The following OSBPL1A variants were observed in gnomAD, a reference collection of about 807,000 sequenced individuals.
OSBPL1A encodes oxysterol binding protein like 1A, also known as oxysterol-binding protein-related protein 1.
Under a neutral mutation model 137.1 loss-of-function variants are expected in OSBPL1A, and 80 were observed. That is an observed-to-expected ratio of 0.58 (90% CI 0.49 to 0.70). The LOEUF is 0.70. Among genes scored for constraint, OSBPL1A ranks in the 30% least tolerant of loss-of-function variants. The probability of loss-of-function intolerance (pLI) is 0.00; values close to 1 mark genes in which losing one functional copy is unlikely to be tolerated. For missense variants in OSBPL1A, 970 were observed against 1,129.4 expected (o/e 0.86, Z 2.02); for synonymous variants, 365 against 389.7 (o/e 0.94, Z 0.75).
intron 15 of OSBPL1A, among the ~76,000 whole-genome samples, chr18:24,275,700 C>T (rs1282017675): frequency 6.6e-6 from 1 of 151,672 alleles, no homozygotes; most frequent in Non-Finnish European, 1.5e-5. Context: ...TGAATCTTTC[C>T]ATTATACCAC....
intron 1 of OSBPL1A, among the ~76,000 whole-genome samples, chr18:24,383,458 A>G (rs1906748393): frequency 6.6e-6 from 1 of 152,262 alleles, no homozygotes; most frequent in African/African-American, 2.4e-5. Flanking sequence ...TATGAAAAGG[A>G]TAAAAATAAA....
chr18:24,291,679 A>C (rs1401299217), intron 14 of OSBPL1A, among the ~76,000 whole-genome samples: 1 of 152,158 alleles, frequency 6.6e-6, no homozygotes, highest in African/African-American at 2.4e-5. Flanking sequence ...TAGAACAACA[A>C]AATCCAAACC....
At chr18:24,300,817 G>GTCTCTC (rs146806503) in intron 14 of OSBPL1A, among the ~76,000 whole-genome samples, 1 of 150,170 alleles carries the variant, frequency 6.7e-6, no homozygotes, top group Admixed American at 6.6e-5. Context: ...CTATCAGTCT[G>GTCTCTC]TCTCTCTCTC....
At chr18:24,297,807 A>G (rs912797950) in intron 14 of OSBPL1A, among the ~76,000 whole-genome samples, 1 of 152,182 alleles carries the variant, frequency 6.6e-6, no homozygotes, top group Non-Finnish European at 1.5e-5. Flanking sequence ...TTTACAGCCT[A>G]TCATGTGTTC....
intron 1 of OSBPL1A, among the ~76,000 whole-genome samples, chr18:24,388,019 T>G (rs563924220): frequency 6.6e-6 from 1 of 152,294 alleles, no homozygotes; most frequent in South Asian, 2.1e-4. Flanking sequence ...CCGATGCCAC[T>G]AATGAATAAA....
At chr18:24,170,251 C>G (rs966393580) in intron 24 of OSBPL1A, 76 bp downstream of exon 24, 1 of 1,534,202 alleles carries the variant, frequency 6.5e-7, no homozygotes, top group Non-Finnish European at 8.9e-7. Flanking sequence ...GACCCTAGAA[C>G]AGGCCACCTC....
intron 13 of OSBPL1A, among the ~76,000 whole-genome samples, chr18:24,309,840 A>G (rs1418381260): frequency 6.6e-6 from 1 of 152,122 alleles, no homozygotes; most frequent in African/African-American, 2.4e-5. Context: ...TGAGGTCAGG[A>G]GCTTGAGACC....
chr18:24,171,015 G>A (rs1187064885), intron 23 of OSBPL1A, among the ~76,000 whole-genome samples: 1 of 150,678 alleles, frequency 6.6e-6, no homozygotes, highest in East Asian at 1.9e-4. Flanking sequence ...TAGAATGCTT[G>A]TTTCCTAGGT....
chr18:24,180,793 C>T (rs184335505), intron 19 of OSBPL1A, among the ~76,000 whole-genome samples: 2 of 151,984 alleles, frequency 1.3e-5, no homozygotes. Flanking sequence ...AGGAGAATGG[C>T]GGGAACCTGG....
intron 7 of OSBPL1A, among the ~76,000 whole-genome samples, chr18:24,322,370 C>G (rs940279896): frequency 6.6e-6 from 1 of 151,856 alleles, no homozygotes; most frequent in Non-Finnish European, 1.5e-5. Flanking sequence ...ATCTGCCCGC[C>G]TGGGCCTCCC....
chr18:24,221,838 G>A lies in OSBPL1A; in HGVS notation c.1601+3204C>T, dbSNP rs73390347. On this transcript the variant is annotated intron_variant, in intron 17 of 27. Transcript: ENST00000319481. ...TCCCAAGACTTATTCCTAGGTATGT[G>A]ACTTTTTTAAAGCTACTGTAAATAT... 1.7e-3 allele frequency among the ~76,000 whole-genome samples: 262 copies of A among 152,154 alleles called. 2 individuals carry two copies. The highest frequency in any genetic ancestry group is 6.1e-3 in the African/African-American group (255 of 41,522).
At chr18:24,371,177 C>A (rs562443905) in intron 2 of OSBPL1A, among the ~76,000 whole-genome samples, 1 of 152,248 alleles carries the variant, frequency 6.6e-6, no homozygotes, top group South Asian at 2.1e-4. Flanking sequence ...GGTCGCTAAC[C>A]AACGGTGAAG....
chr18:24,193,810 T>C (rs964376026), intron 18 of OSBPL1A, among the ~76,000 whole-genome samples: 2 of 152,232 alleles, frequency 1.3e-5, no homozygotes, highest in Non-Finnish European at 2.9e-5. Flanking sequence ...GAACATTCTA[T>C]GGAACCCTTT....
At chr18:24,174,404 A>C (rs1172669597) in intron 21 of OSBPL1A, among the ~76,000 whole-genome samples, 8 of 152,350 alleles carry the variant, frequency 5.3e-5, no homozygotes, top group African/African-American at 1.9e-4. Flanking sequence ...AAATGCTCCA[A>C]AGTCTGAAAC....
intron 15 of OSBPL1A, among the ~76,000 whole-genome samples, chr18:24,268,832 C>T (rs75437866): frequency 6.6e-6 from 1 of 152,206 alleles, no homozygotes; most frequent in African/African-American, 2.4e-5. Flanking sequence ...ACCATGTTGA[C>T]GTAGGTGACT....
intron 13 of OSBPL1A, among the ~76,000 whole-genome samples, chr18:24,309,643 A>G (rs769961886): frequency 1.3e-5 from 2 of 152,220 alleles, no homozygotes; most frequent in African/African-American, 2.4e-5. Flanking sequence ...TCAAGAATGA[A>G]GGGCATCCTG....
Position 24,333,016 on chromosome 18 carries a change from G to C in OSBPL1A, c.551C>G (p.Ala184Gly), listed in dbSNP as rs1464591259. The C allele has an allele frequency of 4.3e-6, 7 of 1,614,154 alleles. No homozygotes were observed. The highest frequency in any genetic ancestry group is 1.3e-5 in the African/African-American group (1 of 75,042). The part of the protein sequence containing the change: ...QLGNTPLHCA[A>G]YRAHKQCALK... ...GGCACATTGTTTATGGGCCCGGTAA[G>C]CTGCACAATGCAAGGGTGTATTTCC... is the stretch of plus-strand genomic sequence containing the variant. Residue 184 changes from alanine to glycine, a missense_variant, in exon 7 of 28, where the codon GCT becomes GGT. Ala to Gly is a moderately conservative substitution (Grantham distance 60). This residue lies in a region of OSBPL1A where 647 missense variants were observed against 672.6 expected (regional missense o/e 0.96). Transcript: ENST00000319481.
chr18:24,339,504 G>A (rs2091238236), intron 5 of OSBPL1A, among the ~76,000 whole-genome samples: 1 of 152,140 alleles, frequency 6.6e-6, no homozygotes, highest in Non-Finnish European at 1.5e-5. Flanking sequence ...AGTCAACTAA[G>A]CCCTTTTTCT....
At chr18:24,303,490 G>T in intron 14 of OSBPL1A, 147 bp downstream of exon 14, 1 of 518,778 alleles carries the variant, frequency 1.9e-6, no homozygotes, top group South Asian at 4.2e-5. Context: ...ACTTTAAATT[G>T]CCCTTTTAAA....
Sources: gnomAD v4.1 joint callset for allele counts (sites outside exome capture counted in the v4.1 genomes callset) on GRCh38, gnomAD v4.1.1 for gene constraint, gnomAD v4.1.1 regional missense constraint, MANE v1.5 for transcripts, NCBI Gene and HGNC (gene_info 2026-07-23, HGNC 2026-07-21) for gene names.